The following PBRM1 variants were observed in gnomAD, a reference collection of about 807,000 sequenced individuals.
PBRM1 encodes protein polybromo-1.
A neutral mutation model predicts 194.5 loss-of-function variants in PBRM1; 27 were observed. The observed-to-expected ratio is 0.14, with a 90% CI of 0.10 to 0.19. PBRM1 has a LOEUF of 0.19. Among genes scored for constraint, PBRM1 ranks in the 10% least tolerant of loss-of-function variants. The probability of loss-of-function intolerance (pLI) is 1.00; values close to 1 mark genes in which losing one functional copy is unlikely to be tolerated. For missense variants in PBRM1, 1,466 were observed against 2,077.2 expected (o/e 0.71, Z 5.72); for synonymous variants, 655 against 693.2 (o/e 0.94, Z 0.87).
At chr3:52,580,081 A>T (rs954427985) in intron 20 of PBRM1, among the ~76,000 whole-genome samples, 1 of 152,284 alleles carries the variant, frequency 6.6e-6, no homozygotes, top group South Asian at 2.1e-4. Context: ...TTTCCAAAAA[A>T]ATTTAAAAAT....
At chr3:52,566,324 G>A (rs1027346613) in intron 22 of PBRM1, among the ~76,000 whole-genome samples, 1 of 151,988 alleles carries the variant, frequency 6.6e-6, no homozygotes, top group African/African-American at 2.4e-5. Flanking sequence ...ATATGACCTC[G>A]CAATTCTATT....
At chr3:52,621,369 T>C (rs2095266969) in intron 13 of PBRM1, among the ~76,000 whole-genome samples, 2 of 152,140 alleles carry the variant, frequency 1.3e-5, no homozygotes, top group African/African-American at 4.8e-5. Context: ...TTCACTGTGT[T>C]AGCCAGGATG....
chr3:52,617,421 C>T (rs2095023269), exon 14 of PBRM1: 2 of 1,613,910 alleles, frequency 1.2e-6, no homozygotes, highest in Non-Finnish European at 1.7e-6. Flanking sequence ...CAGGATAGTC[C>T]TTTTTGGATG....
intron 3 of PBRM1, among the ~76,000 whole-genome samples, chr3:52,666,184 G>A (rs1393501283): frequency 6.6e-6 from 1 of 152,196 alleles, no homozygotes; most frequent in Non-Finnish European, 1.5e-5. Context: ...GGTAGGCTGA[G>A]GTGGGATGAC....
chr3:52,626,525 G>A (rs2095452936), intron 13 of PBRM1, among the ~76,000 whole-genome samples: 1 of 152,132 alleles, frequency 6.6e-6, no homozygotes, highest in Admixed American at 6.6e-5. Context: ...TCCCTGGATT[G>A]ACTGTTGCTG....
In PBRM1 at chr3:52,570,998, C is replaced by A. The variant is rs542037911; in HGVS notation, c.3691+5543G>T. Among the ~76,000 whole-genome samples, 3 of 151,908 alleles carry A rather than the reference C, an allele frequency of 2.0e-5. No individual in the cohort carries two copies. In the South Asian group the frequency reaches 6.2e-4, roughly 32 times the overall value. On this transcript the variant is annotated intron_variant, in intron 22 of 29. Transcript: ENST00000296302. Reference sequence around the variant, plus strand: ...TTGGCCTCTCAAAGTGTTGGGACTACAGGCATGAGCTACCACGTTGGCTAT... The same window carrying A: ...TTGGCCTCTCAAAGTGTTGGGACTAAAGGCATGAGCTACCACGTTGGCTAT...
rs547204279 is a variant in PBRM1 at position 52,668,197 on chromosome 3, T to G, written c.384+301A>C. 2.0e-4 allele frequency among the ~76,000 whole-genome samples: 31 copies of G among 152,132 alleles called. No individual in the cohort carries two copies. The South Asian group carries it at 6.4e-3, about 32-fold the overall frequency. ...CTATAGTGCCAGCTACTCAGAAGGG[T>G]GAGGTGGGAGGATTGCTTGAACCTG... On this transcript the variant is annotated intron_variant, in intron 3 of 29. Coordinates refer to ENST00000296302, the Ensembl canonical transcript of PBRM1.
intron 3 of PBRM1, among the ~76,000 whole-genome samples, chr3:52,663,251 T>C (rs1022818527): frequency 6.6e-6 from 1 of 152,214 alleles, no homozygotes; most frequent in Non-Finnish European, 1.5e-5. Flanking sequence ...AAGGCTTCTC[T>C]GGGCAGCGAG....
At chr3:52,599,002 A>G (rs1409351162) in intron 17 of PBRM1, among the ~76,000 whole-genome samples, 1 of 149,360 alleles carries the variant, frequency 6.7e-6, no homozygotes, top group African/African-American at 2.5e-5. Context: ...AGCCTCAGCA[A>G]CAGTGCCAGA....
chr3:52,626,776 A>G (rs1469546149), intron 13 of PBRM1, among the ~76,000 whole-genome samples: 1 of 152,230 alleles, frequency 6.6e-6, no homozygotes, highest in Non-Finnish European at 1.5e-5. Flanking sequence ...TTTATGAGCT[A>G]TAAGAAGTTA....
chr3:52,657,939 G>A (rs2153846761), intron 5 of PBRM1, among the ~76,000 whole-genome samples: 1 of 152,022 alleles, frequency 6.6e-6, no homozygotes, highest in East Asian at 1.9e-4. Context: ...TTATAGGCAT[G>A]CGCCACCACA....
intron 11 of PBRM1, among the ~76,000 whole-genome samples, chr3:52,629,831 TAAC>T (rs2095561122): frequency 6.6e-6 from 1 of 152,358 alleles, no homozygotes; most frequent in East Asian, 1.9e-4. Flanking sequence ...CAAAGACAGT[TAAC>T]AATAATATGT....
exon 25 of PBRM1, chr3:52,561,822 G>A (rs2083612174): frequency 1.2e-6 from 2 of 1,614,112 alleles, no homozygotes; most frequent in Non-Finnish European, 8.5e-7. Flanking sequence ...TCCCCACCAG[G>A]CGGCTGAGCT....
chr3:52,603,156 T>A (rs2094120287), intron 17 of PBRM1, among the ~76,000 whole-genome samples: 1 of 152,238 alleles, frequency 6.6e-6, no homozygotes, highest in South Asian at 2.1e-4. Context: ...GCAATGCTAC[T>A]GCATGATGTG....
chr3:52,584,696 T>A (rs539633996), intron 20 of PBRM1, among the ~76,000 whole-genome samples: 43 of 152,200 alleles, frequency 2.8e-4, no homozygotes, highest in African/African-American at 9.6e-4. Context: ...ACTCAAGCGA[T>A]CCACCTGCCC....
intron 11 of PBRM1, among the ~76,000 whole-genome samples, chr3:52,630,929 T>C (rs1208503922): frequency 6.6e-6 from 1 of 152,098 alleles, no homozygotes; most frequent in African/African-American, 2.4e-5. Context: ...AAAATAATAA[T>C]GAAGGAGAAA....
intron 5 of PBRM1, among the ~76,000 whole-genome samples, chr3:52,656,770 T>A (rs540787792): frequency 4.6e-5 from 7 of 150,808 alleles, no homozygotes; most frequent in Non-Finnish European, 7.4e-5. Flanking sequence ...GATGAATGAG[T>A]AAACAAAATG....
chr3:52,635,514 C>T (rs767970518), intron 10 of PBRM1, among the ~76,000 whole-genome samples: 8 of 151,746 alleles, frequency 5.3e-5, no homozygotes, highest in East Asian at 1.9e-4. Flanking sequence ...TGCAGTGAGC[C>T]GAGATTACAC....
chr3:52,617,178 G>C, intron 14 of PBRM1, 84 bp downstream of exon 16: 2 of 1,068,068 alleles, frequency 1.9e-6, no homozygotes, highest in Non-Finnish European at 1.3e-6. Context: ...TAAGCCTCTA[G>C]AGCTGGTCTC....
Sources: allele counts gnomAD v4.1 joint callset (sites outside exome capture counted in the v4.1 genomes callset), GRCh38; gene constraint gnomAD v4.1.1; transcripts MANE v1.5; gene names NCBI Gene and HGNC (gene_info 2026-07-23, HGNC 2026-07-21).